CDH2: variants seen among roughly 807,000 people sequenced by gnomAD.
CDH2 encodes cadherin-2.
CDH2 carries 17 observed loss-of-function variants against 92.0 expected under a neutral mutation model. The ratio of observed to expected loss-of-function variants is 0.18; its 90% CI spans 0.13 to 0.28. CDH2 has a LOEUF of 0.28. Among genes scored for constraint, CDH2 ranks in the 10% least tolerant of loss-of-function variants. CDH2 has a pLI of 1.00. For synonymous variants in CDH2, 419 were observed against 415.9 expected (o/e 1.01, Z -0.09); for missense variants, 862 against 1,133.1 (o/e 0.76, Z 3.44).
intron 1 of CDH2, among the ~76,000 whole-genome samples, chr18:28,163,145 T>C (rs981351046): frequency 6.6e-6 from 1 of 152,132 alleles, no homozygotes; most frequent in African/African-American, 2.4e-5. Flanking sequence ...AAAACTCTCA[T>C]CAGAAACCAG....
intron 2 of CDH2, among the ~76,000 whole-genome samples, chr18:28,063,410 G>A (rs1375953663): frequency 2.0e-5 from 3 of 152,122 alleles, no homozygotes; most frequent in East Asian, 1.9e-4. Context: ...GAGAAGAGAC[G>A]GTTCCTTTGA....
At chr18:28,175,301 GGA>G (rs1223042767) in intron 1 of CDH2, among the ~76,000 whole-genome samples, 3 of 152,222 alleles carry the variant, frequency 2.0e-5, no homozygotes, top group Non-Finnish European at 4.4e-5. Flanking sequence ...CCCCGAGTCA[GGA>G]GAGAGCCGAG....
chr18:28,132,285 C>T (rs182397102), intron 2 of CDH2, among the ~76,000 whole-genome samples: 6 of 152,310 alleles, frequency 3.9e-5, no homozygotes, highest in Admixed American at 3.3e-4. Context: ...TGGTGCTTAT[C>T]AGCTAACGTG....
chr18:28,140,819 C>T (rs937586877), intron 2 of CDH2, among the ~76,000 whole-genome samples: 5 of 149,286 alleles, frequency 3.3e-5, no homozygotes, highest in Admixed American at 2.0e-4. Flanking sequence ...AGAAGTCTTA[C>T]GACTCAAAAA....
intron 7 of CDH2, among the ~76,000 whole-genome samples, chr18:27,995,032 G>A (rs1187690964): frequency 6.6e-6 from 1 of 152,008 alleles, no homozygotes; most frequent in African/African-American, 2.4e-5. Context: ...TAGGCTAAGG[G>A]CTAGGTGCGG....
At chr18:28,170,323 T>C (rs1399784957) in intron 1 of CDH2, among the ~76,000 whole-genome samples, 5 of 152,188 alleles carry the variant, frequency 3.3e-5, no homozygotes, top group African/African-American at 9.6e-5. Flanking sequence ...TCCTCATTTA[T>C]TTTGGTTGTC....
intron 6 of CDH2, among the ~76,000 whole-genome samples, chr18:27,935,938 C>T (rs930609284): frequency 6.6e-6 from 1 of 152,182 alleles, no homozygotes; most frequent in African/African-American, 2.4e-5. Flanking sequence ...TTTAAGAAGG[C>T]TTCACTAAAA....
At chr18:28,082,934 G>T (rs2014859021) in intron 2 of CDH2, among the ~76,000 whole-genome samples, 1 of 152,194 alleles carries the variant, frequency 6.6e-6, no homozygotes, top group South Asian at 2.1e-4. Flanking sequence ...GTTAGGGTTT[G>T]CTGTTCTTCA....
chr18:28,100,905 T>C (rs2144232237), intron 2 of CDH2, among the ~76,000 whole-genome samples: 1 of 152,318 alleles, frequency 6.6e-6, no homozygotes. Context: ...CATTACATCT[T>C]CCTATCCCAC....
Position 27,985,528 on chromosome 18 carries a change from C to A in CDH2, c.1975G>T (p.Gly659Cys). 6.3e-7 allele frequency: 1 copy of A among 1,591,932 alleles called. No individual in the cohort carries two copies. The highest frequency in any genetic ancestry group is 8.6e-7 in the Non-Finnish European group (1 of 1,160,156). ...KRNWTITRLNGDFAQLNLKIK... is the reference protein window; with the variant it reads ...KRNWTITRLNCDFAQLNLKIK... Reference sequence around the variant, plus strand: ...ATTCAAATAATTAACCTGTTCTTACCATTAAGCCGAGTGATGGTCCAATTT... The same window carrying A: ...ATTCAAATAATTAACCTGTTCTTACAATTAAGCCGAGTGATGGTCCAATTT... The change falls in exon 12 of 16, where the codon GGT becomes TGT. Residue 659 changes from glycine to cysteine, a missense_variant and splice_region_variant. By Grantham distance (159) the Gly-to-Cys change is radical. Coordinates refer to ENST00000269141, the MANE Select transcript of CDH2 (RefSeq NM_001792.5).
chr18:27,947,693 A>G (rs1909305190), downstream of CDH2, among the ~76,000 whole-genome samples: 1 of 144,484 alleles, frequency 6.9e-6, no homozygotes, highest in Admixed American at 6.9e-5. Context: ...ATATAAGTGT[A>G]TATGATGTAA....
At chr18:28,144,604 C>A (rs553473741) in intron 2 of CDH2, among the ~76,000 whole-genome samples, 72 of 152,098 alleles carry the variant, frequency 4.7e-4, no homozygotes, top group African/African-American at 1.6e-3. Flanking sequence ...AAAGAATCTC[C>A]ATAGCAGCAC....
At chr18:28,119,068 G>C (rs960251420) in intron 2 of CDH2, among the ~76,000 whole-genome samples, 13 of 152,034 alleles carry the variant, frequency 8.6e-5, no homozygotes, top group Non-Finnish European at 1.3e-4. Flanking sequence ...TAAAGAACTT[G>C]AGTCTTCAAA....
intron 2 of CDH2, among the ~76,000 whole-genome samples, chr18:28,014,661 AATG>A (rs988718168): frequency 7.9e-5 from 12 of 152,162 alleles, no homozygotes; most frequent in African/African-American, 2.9e-4. Flanking sequence ...AAATTAAAAA[AATG>A]ATGACAAGAG....
intron 1 of CDH2, among the ~76,000 whole-genome samples, chr18:28,168,987 T>A (rs572949685): frequency 6.6e-6 from 1 of 152,130 alleles, no homozygotes; most frequent in Non-Finnish European, 1.5e-5. Flanking sequence ...GATTCTCATA[T>A]TCAGAATGTT....
intron 2 of CDH2, among the ~76,000 whole-genome samples, chr18:28,038,681 C>T (rs561061478): frequency 2.4e-4 from 36 of 151,962 alleles, no homozygotes; most frequent in African/African-American, 8.4e-4. Context: ...CATCTGATAG[C>T]CATCTTGTAT....
chr18:28,165,385 TCTCA>T (rs1203239935), intron 1 of CDH2, among the ~76,000 whole-genome samples: 8 of 151,966 alleles, frequency 5.3e-5, no homozygotes, highest in Admixed American at 1.3e-4. Flanking sequence ...GAGAGGGAGG[TCTCA>T]CTGTGTTGCC....
chr18:27,959,611 GA>G (rs1182339849), intron 15 of CDH2: 2 of 152,340 alleles, frequency 1.3e-5, no homozygotes, highest in East Asian at 3.9e-4. Context: ...TATCTTGGAT[GA>G]AAGAGTCTAG....
chr18:27,974,948 C>A (rs2011776751), intron 14 of CDH2, among the ~76,000 whole-genome samples: 1 of 152,158 alleles, frequency 6.6e-6, no homozygotes, highest in African/African-American at 2.4e-5. Context: ...CCTGAACAGA[C>A]TGAACTACTT....
Sources: gnomAD v4.1 joint callset for allele counts (sites outside exome capture counted in the v4.1 genomes callset) on GRCh38, gnomAD v4.1.1 for gene constraint, MANE v1.5 for transcripts, NCBI Gene and HGNC (gene_info 2026-07-23, HGNC 2026-07-21) for gene names.